EVA1C: variants seen among roughly 807,000 people sequenced by gnomAD.
EVA1C encodes protein eva-1 homolog C.
A neutral mutation model predicts 45.4 loss-of-function variants in EVA1C; 25 were observed. The observed-to-expected ratio is 0.55, with a 90% CI of 0.40 to 0.77. EVA1C has a LOEUF of 0.77. EVA1C is among the 30% of genes least tolerant of loss of function. EVA1C has a pLI of 0.00. For synonymous variants in EVA1C, 190 were observed against 221.2 expected, an observed-to-expected ratio of 0.86 and a Z score of 1.25; for missense variants, 479 against 554.8, an observed-to-expected ratio of 0.86 and a Z score of 1.37.
At chr21:32,417,680 TC>T (rs1367095047) in intron 1 of EVA1C, among the ~76,000 whole-genome samples, 6 of 152,156 alleles carry the variant, frequency 3.9e-5, no homozygotes, top group African/African-American at 1.4e-4. Flanking sequence ...ATTCAATTGA[TC>T]CCGGGGGCCT....
chr21:32,469,775 C>A (rs993112538), intron 4 of EVA1C, among the ~76,000 whole-genome samples: 8 of 152,148 alleles, frequency 5.3e-5, no homozygotes, highest in African/African-American at 1.9e-4. Context: ...AGGAAGATTC[C>A]TTTTTAGGGA....
intron 4 of EVA1C, among the ~76,000 whole-genome samples, chr21:32,480,765 C>T (rs1021247055): frequency 6.6e-6 from 1 of 152,268 alleles, no homozygotes; most frequent in South Asian, 2.1e-4. Flanking sequence ...GAGTTTGAGA[C>T]CAGCCTGGCT....
At chr21:32,453,560 TTC>T (rs1283443042) in intron 2 of EVA1C, 52 bp downstream of exon 2, 26 of 1,280,722 alleles carry the variant, frequency 2.0e-5, no homozygotes, top group South Asian at 2.7e-5. Context: ...CACACACTCT[TTC>T]TCTCTCTCTG....
At chr21:32,491,800 G>A (rs1360060568) in intron 4 of EVA1C, among the ~76,000 whole-genome samples, 1 of 152,094 alleles carries the variant, frequency 6.6e-6, no homozygotes, top group Non-Finnish European at 1.5e-5. Context: ...GACAGGGCTG[G>A]AACTGAGGCT....
At chr21:32,465,358 C>T (rs1423710769) in intron 3 of EVA1C, among the ~76,000 whole-genome samples, 1 of 152,088 alleles carries the variant, frequency 6.6e-6, no homozygotes, top group Non-Finnish European at 1.5e-5. Context: ...GACAGTCTTC[C>T]CACCCACCCC....
At chr21:32,442,372 C>T (rs764969800) in intron 1 of EVA1C, among the ~76,000 whole-genome samples, 12 of 152,062 alleles carry the variant, frequency 7.9e-5, no homozygotes, top group South Asian at 4.1e-4. Flanking sequence ...TAAACTCATA[C>T]CTAACTTCAC....
intron 1 of EVA1C, among the ~76,000 whole-genome samples, chr21:32,419,800 G>A (rs944442589): frequency 5.3e-5 from 8 of 152,018 alleles, no homozygotes; most frequent in South Asian, 2.1e-4. Flanking sequence ...AAGAAGGTGG[G>A]AGCGGGGGTG....
intron 4 of EVA1C, among the ~76,000 whole-genome samples, chr21:32,494,518 C>T (rs902438970): frequency 6.6e-6 from 1 of 152,168 alleles, no homozygotes; most frequent in African/African-American, 2.4e-5. Context: ...TGCGGTGGCT[C>T]ACACCTGTAA....
At chr21:32,505,542 G>A (rs1292802805) in intron 7 of EVA1C, among the ~76,000 whole-genome samples, 1 of 152,160 alleles carries the variant, frequency 6.6e-6, no homozygotes, top group Non-Finnish European at 1.5e-5. Context: ...CAACTACCTT[G>A]TCCGTTCCTC....
chr21:32,499,295 G>A (rs1467287359), intron 5 of EVA1C, among the ~76,000 whole-genome samples: 3 of 152,232 alleles, frequency 2.0e-5, no homozygotes, highest in African/African-American at 7.2e-5. Context: ...GCCCAGAAAT[G>A]AATGCGAGGT....
intron 1 of EVA1C, among the ~76,000 whole-genome samples, chr21:32,434,644 A>G (rs374425205): frequency 6.6e-6 from 1 of 151,210 alleles, no homozygotes; most frequent in Non-Finnish European, 1.5e-5. Flanking sequence ...TTTTATATAT[A>G]TATAGATATA....
chr21:32,462,312 T>C (rs938447902), intron 3 of EVA1C, among the ~76,000 whole-genome samples: 1 of 151,884 alleles, frequency 6.6e-6, no homozygotes, highest in Non-Finnish European at 1.5e-5. Flanking sequence ...GAGGATTGCT[T>C]GAGCCCAGGA....
At chr21:32,501,603 G>T in intron 6 of EVA1C, 108 bp downstream of exon 6, 1 of 1,448,980 alleles carries the variant, frequency 6.9e-7, no homozygotes, top group East Asian at 2.4e-5. Context: ...GCTGTCAGGA[G>T]GTGTGTTTGA....
chr21:32,413,099 C>A, intron 1 of EVA1C, 86 bp downstream of exon 1: 2 of 1,153,314 alleles, frequency 1.7e-6, no homozygotes, highest in Non-Finnish European at 2.3e-6. Flanking sequence ...CACCAGTGGA[C>A]ACGGCGGGGT....
intron 4 of EVA1C, among the ~76,000 whole-genome samples, chr21:32,489,992 T>A (rs891155462): frequency 6.6e-6 from 1 of 152,074 alleles, no homozygotes; most frequent in Non-Finnish European, 1.5e-5. Context: ...TTAGTAGAGA[T>A]GGGGTTTCAC....
chr21:32,471,687 G>A (rs1448743078), intron 4 of EVA1C, among the ~76,000 whole-genome samples: 5 of 149,716 alleles, frequency 3.3e-5, no homozygotes, highest in Non-Finnish European at 7.4e-5. Context: ...AGAGTGCAGC[G>A]GTGCGATCTC....
intron 1 of EVA1C, among the ~76,000 whole-genome samples, chr21:32,419,504 C>T (rs2034178607): frequency 6.6e-6 from 1 of 152,184 alleles, no homozygotes; most frequent in Non-Finnish European, 1.5e-5. Context: ...CATTTGAGGT[C>T]AGGAGTTTGA....
At chr21:32,503,061 C>T (rs1303624190) in intron 6 of EVA1C, among the ~76,000 whole-genome samples, 1 of 152,182 alleles carries the variant, frequency 6.6e-6, no homozygotes, top group East Asian at 1.9e-4. Context: ...GGCTAGGAGT[C>T]CCCCAAGCCA....
chr21:32,432,572 G>A (rs2034750794), intron 1 of EVA1C, among the ~76,000 whole-genome samples: 1 of 152,118 alleles, frequency 6.6e-6, no homozygotes, highest in South Asian at 2.1e-4. Context: ...GTCAGAGTCT[G>A]CCCACTTGTG....
Sources: gnomAD v4.1 joint callset for allele counts (sites outside exome capture counted in the v4.1 genomes callset) on GRCh38, gnomAD v4.1.1 for gene constraint, MANE v1.5 for transcripts, NCBI Gene and HGNC (gene_info 2026-07-23, HGNC 2026-07-21) for gene names.